The following HS3ST3A1 variants were observed in gnomAD, a reference collection of about 807,000 sequenced individuals.
HS3ST3A1 encodes heparan sulfate-glucosamine 3-sulfotransferase 3A1.
HS3ST3A1 carries 19 observed loss-of-function variants against 25.7 expected under a neutral mutation model. That is an observed-to-expected ratio of 0.74 (90% CI 0.52 to 1.08). HS3ST3A1 has a LOEUF of 1.08. HS3ST3A1 is among the 50% of genes least tolerant of loss of function. HS3ST3A1 has a pLI of 0.00. For synonymous variants in HS3ST3A1, 226 were observed against 278.6 expected, an observed-to-expected ratio of 0.81 and a Z score of 1.88; for missense variants, 459 against 594.3, an observed-to-expected ratio of 0.77 and a Z score of 2.37.
chr17:13,547,741 C>A (rs912068250), intron 1 of HS3ST3A1, among the ~76,000 whole-genome samples: 3 of 151,846 alleles, frequency 2.0e-5, no homozygotes, highest in East Asian at 1.9e-4. Flanking sequence ...TTATGAGAAC[C>A]CTTGATATTT....
At chr17:13,515,313 T>C (rs1906015146) in intron 1 of HS3ST3A1, among the ~76,000 whole-genome samples, 1 of 152,032 alleles carries the variant, frequency 6.6e-6, no homozygotes, top group East Asian at 1.9e-4. Context: ...GCATGTGCCA[T>C]CATACCTGGC....
chr17:13,537,434 T>C (rs1906803039), intron 1 of HS3ST3A1, among the ~76,000 whole-genome samples: 1 of 152,206 alleles, frequency 6.6e-6, no homozygotes, highest in African/African-American at 2.4e-5. Flanking sequence ...CCATCTCTCT[T>C]CCAGGCTCCG....
chr17:13,517,314 C>G (rs1906088624), intron 1 of HS3ST3A1, among the ~76,000 whole-genome samples: 1 of 152,108 alleles, frequency 6.6e-6, no homozygotes, highest in African/African-American at 2.4e-5. Flanking sequence ...TCTACCTTGG[C>G]CAAGCATCCT....
At chr17:13,509,794 G>T (rs3785710) in intron 1 of HS3ST3A1, among the ~76,000 whole-genome samples, 41,796 of 152,034 alleles carry the variant, frequency 0.27, 6,420 homozygotes, top group Admixed American at 0.37. Flanking sequence ...ATGTTGAAAG[G>T]TTTGAGAAGG....
At chr17:13,541,170 C>A (rs1274389333) in intron 1 of HS3ST3A1, among the ~76,000 whole-genome samples, 1 of 152,136 alleles carries the variant, frequency 6.6e-6, no homozygotes, top group African/African-American at 2.4e-5. Context: ...GATTTCCTAT[C>A]TCCTCTGCTA....
chr17:13,507,069 C>CAAAAAAAAAAAAA (rs112172600), intron 1 of HS3ST3A1, among the ~76,000 whole-genome samples: 1 of 92,092 alleles, frequency 1.1e-5, no homozygotes, highest in Non-Finnish European at 2.4e-5. Flanking sequence ...ACTCCGTCTC[C>CAAAAAAAAAAAAA]AAAAAAAAAA....
chr17:13,501,921 T>C (rs933979550), intron 1 of HS3ST3A1, among the ~76,000 whole-genome samples: 2 of 152,170 alleles, frequency 1.3e-5, no homozygotes, highest in African/African-American at 4.8e-5. Context: ...GCTGGCTACA[T>C]TATTTGGAAG....
intron 1 of HS3ST3A1, among the ~76,000 whole-genome samples, chr17:13,548,903 A>G (rs1031326363): frequency 6.6e-6 from 1 of 152,186 alleles, no homozygotes; most frequent in Non-Finnish European, 1.5e-5. Flanking sequence ...AGCACTCTGT[A>G]AAATGGACCA....
intron 1 of HS3ST3A1, among the ~76,000 whole-genome samples, chr17:13,534,547 C>CAAAAAAAAAAAAAAAAAAAAAAAAAA (rs34383911): frequency 3.0e-5 from 1 of 32,816 alleles, no homozygotes. Flanking sequence ...CTACAAAATC[C>CAAAAAAAAAAAAAAAAAAAAAAAAAA]AAAAAAAAAA....
chr17:13,537,726 T>A (rs977222920), intron 1 of HS3ST3A1, among the ~76,000 whole-genome samples: 3 of 152,226 alleles, frequency 2.0e-5, no homozygotes, highest in African/African-American at 7.2e-5. Context: ...TAAAGACAAC[T>A]GATGCCTCAC....
chr17:13,567,606 A>C (rs941506184), intron 1 of HS3ST3A1, among the ~76,000 whole-genome samples: 3 of 152,358 alleles, frequency 2.0e-5, no homozygotes, highest in African/African-American at 7.2e-5. Flanking sequence ...AAATATCAAC[A>C]CAAACAGGAG....
At chr17:13,587,750 C>A (rs906485515) in intron 1 of HS3ST3A1, among the ~76,000 whole-genome samples, 1 of 151,824 alleles carries the variant, frequency 6.6e-6, no homozygotes. Context: ...AGACCTACCA[C>A]TACTTTGATT....
intron 1 of HS3ST3A1, among the ~76,000 whole-genome samples, chr17:13,503,173 C>CAAAAAAAAAAAAA (rs144678351): frequency 1.2e-5 from 1 of 86,862 alleles, no homozygotes; most frequent in Non-Finnish European, 2.3e-5. Context: ...GACTCCATCT[C>CAAAAAAAAAAAAA]AAAAAAAAAA....
At chr17:13,501,089 G>A (rs1905458828) in intron 1 of HS3ST3A1, among the ~76,000 whole-genome samples, 1 of 152,206 alleles carries the variant, frequency 6.6e-6, no homozygotes, top group African/African-American at 2.4e-5. Context: ...GTAGAATGGT[G>A]GTTTCCAGGG....
chr17:13,532,562 C>T (rs893626481), intron 1 of HS3ST3A1, among the ~76,000 whole-genome samples: 5 of 151,696 alleles, frequency 3.3e-5, no homozygotes, highest in African/African-American at 7.3e-5. Flanking sequence ...GTCCAGGGCC[C>T]GAGGGGGGCC....
chr17:13,556,314 C>A (rs554507616), intron 1 of HS3ST3A1, among the ~76,000 whole-genome samples: 16 of 151,152 alleles, frequency 1.1e-4, no homozygotes, highest in South Asian at 4.2e-4. Context: ...GCAGACCACC[C>A]TGGCTAACAT....
rs75256972 is a variant in HS3ST3A1 at position 13,548,183 on chromosome 17, C to A, written c.600-51365G>T. Among the ~76,000 whole-genome samples, 578 of 152,184 alleles carry A rather than the reference C, an allele frequency of 3.8e-3. 5 individuals carry two copies. Among genetic ancestry groups the A allele is most frequent in the African/African-American group, 0.013 (552 of 41,518 alleles). ...ACCACAGACAAGATGGTTTATACAA[C>A]AAATATGTATTTCTCCCAGTTCTGG... On this transcript the variant is annotated intron_variant, in intron 1 of 1. Coordinates refer to ENST00000284110, the MANE Select transcript of HS3ST3A1 (RefSeq NM_006042.3).
At chr17:13,501,742 C>G (rs1023340403) in intron 1 of HS3ST3A1, among the ~76,000 whole-genome samples, 3 of 152,198 alleles carry the variant, frequency 2.0e-5, no homozygotes, top group Non-Finnish European at 2.9e-5. Flanking sequence ...TACATGGAAG[C>G]ACTCTTCTTA....
chr17:13,515,586 T>C (rs1320458275), intron 1 of HS3ST3A1, among the ~76,000 whole-genome samples: 4 of 152,064 alleles, frequency 2.6e-5, no homozygotes, highest in African/African-American at 9.7e-5. Context: ...TTTCAATGTT[T>C]ATGACTAGAA....
Sources: gnomAD v4.1 joint callset for allele counts (sites outside exome capture counted in the v4.1 genomes callset) on GRCh38, gnomAD v4.1.1 for gene constraint, MANE v1.5 for transcripts, NCBI Gene and HGNC (gene_info 2026-07-23, HGNC 2026-07-21) for gene names.